The following GOSR1 variants were observed in gnomAD, a reference collection of about 807,000 sequenced individuals.
GOSR1 encodes the protein 28 kDa Golgi SNARE protein.
GOSR1 carries 21 observed loss-of-function variants against 35.5 expected under a neutral mutation model. The ratio of observed to expected loss-of-function variants is 0.59; its 90% confidence interval spans 0.42 to 0.85. The LOEUF (loss-of-function observed/expected upper bound fraction) is 0.85, where lower values mean the gene tolerates loss of function less well. Among genes scored for constraint, GOSR1 ranks in the 40% least tolerant of loss-of-function variants. The probability of loss-of-function intolerance (pLI) is 0.00; values close to 1 mark genes in which losing one functional copy is unlikely to be tolerated. For synonymous variants in GOSR1, 94 were observed against 106.6 expected, an observed-to-expected ratio of 0.88 and a Z score of 0.73; for missense variants, 285 against 309.6, an observed-to-expected ratio of 0.92 and a Z score of 0.60.
chr17:30,521,533 G>A (rs1287189099), intron 8 of GOSR1, among the ~76,000 whole-genome samples: 3 of 149,554 alleles, frequency 2.0e-5, no homozygotes, highest in Non-Finnish European at 3.0e-5. Flanking sequence ...CTAGCATAGC[G>A]CCTCATACAA....
chr17:30,524,016 C>T lies in GOSR1; in HGVS notation c.*1638C>T, dbSNP rs1459979722. ...GCTTTGTTAAACAGATGCTTGAAGG[C>T]AGCATGCTCCTTAAGAGTCATCACC... On this transcript the variant is annotated 3_prime_UTR_variant, in exon 9 of 9. Transcript: ENST00000451249. 1.7e-5 allele frequency: 3 copies of T among 175,486 alleles called. No homozygotes were observed. Among genetic ancestry groups the T allele is most frequent in the African/African-American group, 2.4e-5 (1 of 41,238 alleles). 10.9% of individuals were successfully genotyped at this position (175,486 alleles called of 1,614,324 possible).
At chr17:30,520,841 G>A (rs1001211453) in intron 8 of GOSR1, among the ~76,000 whole-genome samples, 1 of 152,158 alleles carries the variant, frequency 6.6e-6, no homozygotes, top group East Asian at 1.9e-4. Flanking sequence ...TGTGAATTTT[G>A]TTCTTGCCTT....
chr17:30,510,085 T>C (rs896925406), intron 6 of GOSR1, among the ~76,000 whole-genome samples: 1 of 152,194 alleles, frequency 6.6e-6, no homozygotes, highest in East Asian at 1.9e-4. Flanking sequence ...TTTGGAGTTT[T>C]TTTGAGACAG....
intron 5 of GOSR1, among the ~76,000 whole-genome samples, chr17:30,490,886 G>A (rs1432943102): frequency 6.6e-6 from 1 of 151,896 alleles, no homozygotes; most frequent in Non-Finnish European, 1.5e-5. Context: ...AAGTCCCATG[G>A]GCGTCTCATT....
At chr17:30,519,897 T>C (rs1196349484) in intron 7 of GOSR1, 42 bp from the exon 8 acceptor site, 10 of 1,199,432 alleles carry the variant, frequency 8.3e-6, no homozygotes, top group Non-Finnish European at 1.2e-5. Flanking sequence ...CCAGGCAGGA[T>C]AATCTTAAAT....
intron 2 of GOSR1, among the ~76,000 whole-genome samples, chr17:30,482,071 T>C (rs1384308747): frequency 6.6e-5 from 10 of 152,222 alleles, no homozygotes; most frequent in East Asian, 5.8e-4. Context: ...TTTTAAAAAA[T>C]GATAATTACT....
intron 6 of GOSR1, among the ~76,000 whole-genome samples, chr17:30,509,683 TG>T (rs1222230243): frequency 6.6e-6 from 1 of 152,204 alleles, no homozygotes; most frequent in Admixed American, 6.5e-5. Context: ...CTCCCTAAAA[TG>T]GCTTTGTTTG....
intron 6 of GOSR1, among the ~76,000 whole-genome samples, chr17:30,508,266 T>C (rs1362120735): frequency 6.6e-6 from 1 of 152,226 alleles, no homozygotes; most frequent in Non-Finnish European, 1.5e-5. Flanking sequence ...ATTTCATTTA[T>C]TTTATCTTCA....
intron 4 of GOSR1, among the ~76,000 whole-genome samples, chr17:30,489,745 A>G (rs758329334): frequency 3.9e-5 from 6 of 152,196 alleles, no homozygotes; most frequent in Non-Finnish European, 7.3e-5. Flanking sequence ...GAGCTCCAAA[A>G]TGATGAAATT....
rs563564817 is a variant in GOSR1, at chr17:30,498,047, T to TA, written c.509+5295dup. On this transcript the variant is annotated intron_variant, in intron 6 of 8. Transcript: ENST00000451249. ...CATGCCAGCATGGGTGACAGAGCAATACTCCATCTCCAAAAAAAAAAAAAA... is the reference window on the plus strand; with the variant it reads ...CATGCCAGCATGGGTGACAGAGCAATAACTCCATCTCCAAAAAAAAAAAAAA... 1.8e-4 allele frequency among the ~76,000 whole-genome samples: 22 copies of TA among 120,012 alleles called. No homozygotes were observed. In the East Asian group the frequency reaches 5.0e-3, roughly 27 times the overall value. 78.7% of individuals were successfully genotyped at this position (120,012 alleles called of 152,430 possible). A position where few individuals can be genotyped will look rare whatever the true frequency, so the allele number is the denominator to read the frequency against.
At chr17:30,482,942 A>G (rs1419448945) in intron 2 of GOSR1, 1 of 152,100 alleles carries the variant, frequency 6.6e-6, no homozygotes, top group Non-Finnish European at 1.5e-5. Flanking sequence ...TTCTACCACA[A>G]ACTGAAACTG....
At chr17:30,521,425 C>T (rs994115776) in intron 8 of GOSR1, among the ~76,000 whole-genome samples, 4 of 151,854 alleles carry the variant, frequency 2.6e-5, no homozygotes, top group Non-Finnish European at 5.9e-5. Context: ...TCAAGCAGTC[C>T]TTCAGCCTTG....
intron 7 of GOSR1, chr17:30,519,687 GT>G: frequency 3.0e-6 from 1 of 331,436 alleles, no homozygotes; most frequent in Non-Finnish European, 5.4e-6. Flanking sequence ...GCCTTATTTT[GT>G]TTGTTATTTT....
intron 4 of GOSR1, among the ~76,000 whole-genome samples, chr17:30,485,365 CA>C (rs950024597): frequency 1.5e-4 from 23 of 151,890 alleles, no homozygotes; most frequent in African/African-American, 5.6e-4. Flanking sequence ...CTCCCAAGCT[CA>C]AACAAGCCTC....
At chr17:30,485,290 A>G (rs1914611665) in intron 4 of GOSR1, among the ~76,000 whole-genome samples, 1 of 147,914 alleles carries the variant, frequency 6.8e-6, no homozygotes, top group Non-Finnish European at 1.5e-5. Flanking sequence ...TTTTTTTGAG[A>G]TAGGGTTTCT....
intron 8 of GOSR1, chr17:30,520,245 G>A: frequency 2.6e-6 from 1 of 386,744 alleles, no homozygotes. Flanking sequence ...AGATGTAGAA[G>A]AAAAAAATTA....
At chr17:30,522,103 T>C in intron 8 of GOSR1, 151 bp from the exon 9 acceptor site, 1 of 635,654 alleles carries the variant, frequency 1.6e-6, no homozygotes, top group Non-Finnish European at 2.7e-6. Context: ...TTTGGGCAAC[T>C]GCATCTGCTA....
intron 6 of GOSR1, among the ~76,000 whole-genome samples, chr17:30,494,551 C>T (rs143911019): frequency 2.0e-5 from 3 of 152,172 alleles, no homozygotes; most frequent in Non-Finnish European, 4.4e-5. Context: ...GAAAAAGTAT[C>T]TAGTTAATTT....
chr17:30,521,606 A>G (rs1412434193), intron 8 of GOSR1, among the ~76,000 whole-genome samples: 1 of 152,004 alleles, frequency 6.6e-6, no homozygotes. Flanking sequence ...AAAAAAATCA[A>G]AAAAAATGGG....
Sources: gnomAD v4.1 joint callset for allele counts (sites outside exome capture counted in the v4.1 genomes callset) on GRCh38, gnomAD v4.1.1 for gene constraint, MANE v1.5 for transcripts, NCBI Gene and HGNC (gene_info 2026-07-23, HGNC 2026-07-21) for gene names.